Variants in DYNC1I1 observed in about 807,000 individuals in gnomAD.
DYNC1I1 encodes the protein cytoplasmic dynein 1 intermediate chain 1.
DYNC1I1 carries 43 observed loss-of-function variants against 86.6 expected under a neutral mutation model. The ratio of observed to expected loss-of-function variants is 0.50; its 90% confidence interval spans 0.39 to 0.64. The LOEUF is 0.64. DYNC1I1 is among the 30% of genes least tolerant of loss of function. The pLI, the probability that DYNC1I1 is intolerant of heterozygous loss-of-function variation, is 0.00. For synonymous variants in DYNC1I1, 262 were observed against 283.7 expected, an observed-to-expected ratio of 0.92 and a Z score of 0.77; for missense variants, 604 against 788.8, an observed-to-expected ratio of 0.77 and a Z score of 2.81.
chr7:95,870,947 A>T (rs1023350077), intron 6 of DYNC1I1, among the ~76,000 whole-genome samples: 4 of 152,174 alleles, frequency 2.6e-5, no homozygotes, highest in African/African-American at 4.8e-5. Flanking sequence ...GGTGAAGAGG[A>T]TGTTGGAATT....
intron 6 of DYNC1I1, among the ~76,000 whole-genome samples, chr7:95,951,205 T>C (rs1287480415): frequency 6.6e-6 from 1 of 152,214 alleles, no homozygotes; most frequent in Non-Finnish European, 1.5e-5. Flanking sequence ...AGGCTCCAGC[T>C]CTCTTCCTTA....
intron 14 of DYNC1I1, among the ~76,000 whole-genome samples, chr7:96,074,537 C>T (rs1454547867): frequency 8.0e-6 from 1 of 124,836 alleles, no homozygotes; most frequent in Non-Finnish European, 1.6e-5. Context: ...GGCGACAGAG[C>T]GAGACTCCGT....
chr7:95,941,542 A>C (rs1238043312), intron 6 of DYNC1I1, among the ~76,000 whole-genome samples: 1 of 152,140 alleles, frequency 6.6e-6, no homozygotes, highest in Non-Finnish European at 1.5e-5. Flanking sequence ...GCCACCTTGC[A>C]GTTTGATCTC....
At chr7:96,011,853 C>T (rs1047858082) in intron 10 of DYNC1I1, among the ~76,000 whole-genome samples, 3 of 152,030 alleles carry the variant, frequency 2.0e-5, no homozygotes, top group Admixed American at 6.6e-5. Context: ...AATAGATTGG[C>T]GTGTCTTTCT....
chr7:95,782,429 C>A (rs943715896), intron 1 of DYNC1I1, among the ~76,000 whole-genome samples: 1 of 152,120 alleles, frequency 6.6e-6, no homozygotes, highest in Non-Finnish European at 1.5e-5. Flanking sequence ...GGGAGAGTTC[C>A]CTGAGCCATT....
intron 14 of DYNC1I1, among the ~76,000 whole-genome samples, chr7:96,050,663 C>CA (rs1404450824): frequency 1.3e-5 from 2 of 152,134 alleles, no homozygotes; most frequent in Non-Finnish European, 2.9e-5. Flanking sequence ...TCACCCTCTA[C>CA]AGCCTGTATT....
intron 5 of DYNC1I1, among the ~76,000 whole-genome samples, chr7:95,867,781 C>T (rs1437757691): frequency 6.6e-6 from 1 of 152,156 alleles, no homozygotes; most frequent in East Asian, 1.9e-4. Flanking sequence ...GGATTATTTT[C>T]CACTTCCTTG....
intron 14 of DYNC1I1, among the ~76,000 whole-genome samples, chr7:96,050,021 C>CAAAAAAAAA (rs1325932449): frequency 1.1e-4 from 15 of 132,362 alleles, no homozygotes; most frequent in African/African-American, 4.3e-4. Flanking sequence ...GACTCCATCT[C>CAAAAAAAAA]AAAAAAAACA....
chr7:95,959,143 C>A (rs1156880682), intron 6 of DYNC1I1, among the ~76,000 whole-genome samples: 1 of 152,036 alleles, frequency 6.6e-6, no homozygotes, highest in East Asian at 1.9e-4. Context: ...GGAAGTGGCA[C>A]AATGTGGAGA....
At chr7:95,889,669 GA>G (rs1790685543) in intron 6 of DYNC1I1, among the ~76,000 whole-genome samples, 1 of 152,204 alleles carries the variant, frequency 6.6e-6, no homozygotes, top group East Asian at 1.9e-4. Flanking sequence ...CAGAATGAGA[GA>G]AAATATTTGC....
rs1793616911 is a variant in DYNC1I1 at position 95,987,151 on chromosome 7, T to C, written c.839T>C (p.Leu280Pro). 1 of 1,613,416 alleles carries C rather than the reference T, an allele frequency of 6.2e-7. No homozygotes were observed. Among genetic ancestry groups the C allele is most frequent in the African/African-American group, 1.3e-5 (1 of 74,908 alleles). Residue 280 changes from leucine to proline, a missense_variant, in exon 9 of 17, where the codon CTC (leucine) becomes CCC (proline). Coordinates refer to ENST00000447467, the MANE Select transcript of DYNC1I1 (RefSeq NM_001135556.2). ...GTGGTCACTTGTATGGACTGGTCCC[T>C]CCAGGTAAGAATTATTGCTGGGCTG... is the stretch of plus-strand genomic sequence containing the variant. ...HRVVTCMDWS[L>P]QYPELMVASY...
Position 95,903,428 on chromosome 7 carries a change from C to A in DYNC1I1, c.490+33430C>A, listed in dbSNP as rs555801196. ...CAGGGAGCAGCAAGGCTAGTCACAG[C>A]TAGTTCTAGCTGGACAGTAATCCAT... On this transcript the variant is annotated intron_variant, in intron 6 of 16. Coordinates refer to ENST00000447467, the MANE Select transcript of DYNC1I1 (RefSeq NM_001135556.2). Among the ~76,000 whole-genome samples the A allele has an allele frequency of 2.0e-5, 3 of 152,252 alleles. No homozygotes were observed. In the East Asian group the frequency reaches 5.8e-4, roughly 29 times the overall value.
At chr7:96,062,050 G>A (rs1195457740) in intron 14 of DYNC1I1, among the ~76,000 whole-genome samples, 1 of 152,310 alleles carries the variant, frequency 6.6e-6, no homozygotes, top group East Asian at 1.9e-4. Flanking sequence ...AGGCCAAGTG[G>A]ACTTGAGAGA....
At chr7:95,933,581 G>A (rs970251557) in intron 6 of DYNC1I1, among the ~76,000 whole-genome samples, 1 of 152,076 alleles carries the variant, frequency 6.6e-6, no homozygotes, top group African/African-American at 2.4e-5. Flanking sequence ...GTGGGTTTTG[G>A]CAAAACCTAT....
intron 8 of DYNC1I1, among the ~76,000 whole-genome samples, chr7:95,985,450 A>G (rs1248436629): frequency 6.6e-6 from 1 of 152,202 alleles, no homozygotes; most frequent in Non-Finnish European, 1.5e-5. Flanking sequence ...ATATGTGTAT[A>G]TGCCTTTTAG....
At chr7:96,005,187 C>T (rs1262503013) in intron 10 of DYNC1I1, among the ~76,000 whole-genome samples, 1 of 152,106 alleles carries the variant, frequency 6.6e-6, no homozygotes, top group African/African-American at 2.4e-5. Context: ...GGTTGTGTTA[C>T]AGAGACGGCA....
At chr7:96,092,185 T>TA (rs5885941) in intron 16 of DYNC1I1, among the ~76,000 whole-genome samples, 34 of 147,748 alleles carry the variant, frequency 2.3e-4, no homozygotes, top group African/African-American at 7.5e-4. Context: ...GGTATACTTC[T>TA]AAAAAAAAAA....
intron 15 of DYNC1I1, among the ~76,000 whole-genome samples, chr7:96,078,570 T>C (rs957314319): frequency 1.3e-5 from 2 of 152,192 alleles, no homozygotes. Context: ...ATAGTACTTA[T>C]ATTCCAAATA....
chr7:95,960,985 T>C, intron 6 of DYNC1I1, among the ~76,000 whole-genome samples: 1 of 152,238 alleles, frequency 6.6e-6, no homozygotes, highest in Non-Finnish European at 1.5e-5. Flanking sequence ...TCACAGTGGC[T>C]TGGCTGGAAG....
Sources: allele counts gnomAD v4.1 joint callset (sites outside exome capture counted in the v4.1 genomes callset), GRCh38; gene constraint gnomAD v4.1.1; transcripts MANE v1.5; gene names NCBI Gene and HGNC (gene_info 2026-07-23, HGNC 2026-07-21).